The following SPTLC2 variants were observed in gnomAD, a reference collection of about 807,000 sequenced individuals.
The protein encoded by SPTLC2 is serine palmitoyltransferase 2.
SPTLC2 carries 21 observed loss-of-function variants against 62.0 expected under a neutral mutation model. The observed-to-expected ratio is 0.34, with a 90% CI of 0.24 to 0.49. The LOEUF is 0.49. SPTLC2 is among the 20% of genes least tolerant of loss of function. SPTLC2 has a pLI of 0.99. For missense variants in SPTLC2, 511 were observed against 713.0 expected (o/e 0.72, Z 3.23); for synonymous variants, 261 against 261.8 (o/e 1.00, Z 0.03).
chr14:77,614,181 T>C (rs1017105633), intron 1 of SPTLC2, among the ~76,000 whole-genome samples: 1 of 152,216 alleles, frequency 6.6e-6, no homozygotes, highest in African/African-American at 2.4e-5. Flanking sequence ...TTGATATTTC[T>C]TCACCTTATT....
intron 9 of SPTLC2, among the ~76,000 whole-genome samples, chr14:77,528,423 G>C (rs1456930497): frequency 6.6e-6 from 1 of 152,074 alleles, no homozygotes; most frequent in Non-Finnish European, 1.5e-5. Flanking sequence ...TAGAGACGGG[G>C]TTTCTCCATG....
chr14:77,512,540 G>C (rs1204669085), intron 11 of SPTLC2, 137 bp from the exon 12 acceptor site: 1 of 1,322,962 alleles, frequency 7.6e-7, no homozygotes, highest in African/African-American at 1.5e-5. Context: ...TACAAGATCA[G>C]ACTACAATAC....
rs1395236538 is a variant in SPTLC2, at chr14:77,508,820, A to G, written c.*3464T>C. Reference sequence around the variant, plus strand: ...AATGAAAAGCCTCCTCCTGAAATGTAAGGCTAAGTGTACAAACAGAACCAA... The same window carrying G: ...AATGAAAAGCCTCCTCCTGAAATGTGAGGCTAAGTGTACAAACAGAACCAA... On this transcript the variant is annotated 3_prime_UTR_variant, in exon 12 of 12. Transcript: ENST00000216484. 1 of 152,212 alleles carries G rather than the reference A, an allele frequency of 6.6e-6. No individual in the cohort carries two copies. The highest frequency in any genetic ancestry group is 2.4e-5 in the African/African-American group (1 of 41,454). The allele number at this position is 152,212 out of a possible 1,614,324, so 9.4% of individuals were successfully genotyped here. A position where few individuals can be genotyped will look rare whatever the true frequency, so the allele number is the denominator to read the frequency against.
intron 5 of SPTLC2, among the ~76,000 whole-genome samples, chr14:77,566,977 T>A (rs1330411203): frequency 6.7e-6 from 1 of 149,934 alleles, no homozygotes; most frequent in Non-Finnish European, 1.5e-5. Flanking sequence ...GGAATATAAA[T>A]CTTTTTTTTT....
intron 11 of SPTLC2, among the ~76,000 whole-genome samples, chr14:77,514,790 G>A (rs912773905): frequency 3.9e-5 from 6 of 152,050 alleles, no homozygotes; most frequent in Admixed American, 1.3e-4. Flanking sequence ...CCCAATACTC[G>A]TTGTCTCAAT....
intron 11 of SPTLC2, 103 bp downstream of exon 11, chr14:77,517,935 G>A: frequency 6.4e-7 from 1 of 1,573,822 alleles, no homozygotes; most frequent in Non-Finnish European, 8.7e-7. Flanking sequence ...TCTGTCTTAG[G>A]TGCTCACAAG....
chr14:77,513,004 C>T (rs896827848), intron 11 of SPTLC2, among the ~76,000 whole-genome samples: 10 of 140,170 alleles, frequency 7.1e-5, no homozygotes, highest in African/African-American at 2.6e-4. Flanking sequence ...CGTAAGCCAA[C>T]GAACCCAGCA....
rs73319080 is a variant in SPTLC2 at position 77,512,278 on chromosome 14, A to C, written c.*6T>G. 84,953 of 1,613,718 alleles carry C rather than the reference A, an allele frequency of 0.053. 2,459 individuals carry two copies. Among genetic ancestry groups the C allele is most frequent in the African/African-American group, 0.1 (7,501 of 75,000 alleles). Reference sequence around the variant, plus strand: ...GAGAGTTCCTCTGAGGGAGCACCAAAAAGGCTCAGTCTTCTGTTTCTTCAT... The same window carrying C: ...GAGAGTTCCTCTGAGGGAGCACCAACAAGGCTCAGTCTTCTGTTTCTTCAT... On this transcript the variant is annotated 3_prime_UTR_variant, in exon 12 of 12. Transcript: ENST00000216484.
chr14:77,589,738 C>A (rs1349846453), intron 2 of SPTLC2, among the ~76,000 whole-genome samples: 1 of 151,658 alleles, frequency 6.6e-6, no homozygotes, highest in Non-Finnish European at 1.5e-5. Flanking sequence ...TGCAGTAAGC[C>A]AAGATTGCGC....
Position 77,535,224 on chromosome 14 carries a change from G to A in SPTLC2, c.1304-13643C>T, listed in dbSNP as rs529697300. ...TTACAGCTGTGAGCCACCACACCCA[G>A]CCCCAAGTGCTATTTCTATAAACTG... On this transcript the variant is annotated intron_variant, in intron 9 of 11. Coordinates refer to ENST00000216484, the MANE Select transcript of SPTLC2 (RefSeq NM_004863.4). Among the ~76,000 whole-genome samples the A allele has an allele frequency of 3.9e-5, 6 of 152,252 alleles. No individual in the cohort carries two copies. The East Asian group carries it at 9.6e-4, about 24-fold the overall frequency.
At chr14:77,542,019 T>C (rs1291728895) in intron 9 of SPTLC2, among the ~76,000 whole-genome samples, 1 of 147,510 alleles carries the variant, frequency 6.8e-6, no homozygotes, top group Non-Finnish European at 1.5e-5. Flanking sequence ...ATTGTGCCAC[T>C]GCACTCCAGC....
chr14:77,598,907 C>G (rs1453181382), intron 1 of SPTLC2, among the ~76,000 whole-genome samples: 2 of 144,026 alleles, frequency 1.4e-5, no homozygotes, highest in African/African-American at 5.1e-5. Context: ...TTCCCTACAG[C>G]CTAGGTGATA....
chr14:77,568,068 T>C (rs1000513485), intron 5 of SPTLC2, among the ~76,000 whole-genome samples: 4 of 152,202 alleles, frequency 2.6e-5, no homozygotes, highest in African/African-American at 9.6e-5. Context: ...ATTTTGGGAT[T>C]AGGAATGCTC....
intron 1 of SPTLC2, among the ~76,000 whole-genome samples, chr14:77,610,679 TCTG>T (rs1314502882): frequency 2.0e-5 from 3 of 152,046 alleles, no homozygotes; most frequent in Non-Finnish European, 1.5e-5. Flanking sequence ...CACAAAATAG[TCTG>T]CTACAGTGGC....
At chr14:77,544,050 T>C (rs1268255027) in intron 9 of SPTLC2, among the ~76,000 whole-genome samples, 1 of 152,148 alleles carries the variant, frequency 6.6e-6, no homozygotes, top group Non-Finnish European at 1.5e-5. Context: ...TTTCTAGAGA[T>C]AGGGTTTCCC....
intron 1 of SPTLC2, among the ~76,000 whole-genome samples, chr14:77,601,524 T>G (rs1416609209): frequency 6.6e-6 from 1 of 151,494 alleles, no homozygotes. Context: ...ACAGCCTTGT[T>G]GCTCACACAA....
intron 9 of SPTLC2, among the ~76,000 whole-genome samples, chr14:77,547,325 G>A (rs950376055): frequency 6.6e-6 from 1 of 152,028 alleles, no homozygotes; most frequent in Non-Finnish European, 1.5e-5. Context: ...TTTTTATTTC[G>A]ATGAATTTCT....
intron 2 of SPTLC2, among the ~76,000 whole-genome samples, chr14:77,587,166 T>C (rs1313026717): frequency 6.6e-6 from 1 of 151,710 alleles, no homozygotes; most frequent in Non-Finnish European, 1.5e-5. Flanking sequence ...AGGCGGAGCT[T>C]GCAGTGAGCT....
intron 4 of SPTLC2, among the ~76,000 whole-genome samples, chr14:77,574,870 T>C (rs549815184): frequency 2.6e-5 from 4 of 152,318 alleles, no homozygotes; most frequent in East Asian, 1.9e-4. Context: ...CAATGAATGC[T>C]ACTGAGTATA....
Sources: allele counts gnomAD v4.1 joint callset (sites outside exome capture counted in the v4.1 genomes callset), GRCh38; gene constraint gnomAD v4.1.1; transcripts MANE v1.5; gene names NCBI Gene and HGNC (gene_info 2026-07-23, HGNC 2026-07-21).